Variants in GAS2 observed in about 807,000 individuals in gnomAD.
The protein encoded by GAS2 is growth arrest specific 2, also known as growth arrest-specific protein 2.
Under a neutral mutation model 37.5 loss-of-function variants are expected in GAS2, and 20 were observed. That is an observed-to-expected ratio of 0.53 (90% CI 0.37 to 0.77). The LOEUF (loss-of-function observed/expected upper bound fraction) is 0.77, where lower values mean the gene tolerates loss of function less well. Among genes scored for constraint, GAS2 ranks in the 30% least tolerant of loss-of-function variants. GAS2 has a pLI of 0.00. For missense variants in GAS2, 336 were observed against 373.4 expected (o/e 0.90, Z 0.82); for synonymous variants, 144 against 132.2 (o/e 1.09, Z -0.61).
At chr11:22,687,084 C>T (rs568534299) in intron 3 of GAS2, among the ~76,000 whole-genome samples, 44 of 151,932 alleles carry the variant, frequency 2.9e-4, no homozygotes, top group African/African-American at 9.4e-4. Flanking sequence ...CAGCACTTTG[C>T]GGGGGTCAAG....
chr11:22,714,454 A>G (rs1006287310), intron 3 of GAS2, among the ~76,000 whole-genome samples: 18 of 152,308 alleles, frequency 1.2e-4, no homozygotes, highest in African/African-American at 2.6e-4. Context: ...CACTGACAGC[A>G]CTAGATAGAT....
At chr11:22,773,586 G>A (rs1855102356) in intron 7 of GAS2, among the ~76,000 whole-genome samples, 1 of 151,610 alleles carries the variant, frequency 6.6e-6, no homozygotes, top group Non-Finnish European at 1.5e-5. Context: ...GTAGAGACGG[G>A]GTTTCACCGT....
chr11:22,694,306 C>T (rs1471089780), intron 3 of GAS2, among the ~76,000 whole-genome samples: 2 of 152,196 alleles, frequency 1.3e-5, no homozygotes, highest in South Asian at 2.1e-4. Flanking sequence ...GTATTCTGTC[C>T]GCCATATCCA....
At chr11:22,691,499 G>T (rs1016028577) in intron 3 of GAS2, among the ~76,000 whole-genome samples, 1 of 152,134 alleles carries the variant, frequency 6.6e-6, no homozygotes, top group African/African-American at 2.4e-5. Context: ...TGCAATAAAA[G>T]GTTTTGTATG....
intron 3 of GAS2, among the ~76,000 whole-genome samples, chr11:22,725,446 T>A (rs76755209): frequency 6.6e-6 from 1 of 152,138 alleles, no homozygotes; most frequent in Non-Finnish European, 1.5e-5. Context: ...GTTATATTTT[T>A]GATAGAATAT....
At chr11:22,773,538 C>G (rs901182685) in intron 7 of GAS2, among the ~76,000 whole-genome samples, 41 of 151,602 alleles carry the variant, frequency 2.7e-4, no homozygotes, top group Admixed American at 6.6e-5. Context: ...GGACTGCAGG[C>G]GCCCGCCACC....
intron 4 of GAS2, among the ~76,000 whole-genome samples, 180 bp downstream of exon 4, chr11:22,726,613 A>G (rs1175577386): frequency 6.6e-6 from 1 of 152,142 alleles, no homozygotes; most frequent in Non-Finnish European, 1.5e-5. Context: ...AAATAGAAAA[A>G]TGAATATGCC....
At chr11:22,626,076 GAGATGATGCC>G in intron 1 of GAS2, 2 of 532,926 alleles carry the variant, frequency 3.8e-6, no homozygotes, top group South Asian at 4.1e-5. Context: ...AACCACGTGC[GAGATGATGCC>G]AGTCATGAAC....
chr11:22,654,336 A>ATTT (rs1848831453), intron 1 of GAS2, among the ~76,000 whole-genome samples: 1 of 151,472 alleles, frequency 6.6e-6, no homozygotes, highest in Admixed American at 6.6e-5. Context: ...TATTTAAATA[A>ATTT]TTTTTTCCTT....
chr11:22,660,110 A>AT (rs752183076), intron 1 of GAS2, among the ~76,000 whole-genome samples: 1 of 152,106 alleles, frequency 6.6e-6, no homozygotes, highest in Non-Finnish European at 1.5e-5. Context: ...TTTAAAAACC[A>AT]TTTTTGCTAT....
At chr11:22,648,921 C>G (rs1324487595) in intron 1 of GAS2, among the ~76,000 whole-genome samples, 2 of 151,786 alleles carry the variant, frequency 1.3e-5, no homozygotes, top group African/African-American at 4.8e-5. Flanking sequence ...CTTCTCCTGC[C>G]TAATTGCCCT....
chr11:22,745,728 A>T (rs751883823), intron 5 of GAS2, among the ~76,000 whole-genome samples: 2 of 152,168 alleles, frequency 1.3e-5, no homozygotes, highest in African/African-American at 2.4e-5. Flanking sequence ...AATCCATAAG[A>T]AACTTAAACA....
At chr11:22,772,515 C>T (rs1855033837) in intron 7 of GAS2, among the ~76,000 whole-genome samples, 1 of 151,958 alleles carries the variant, frequency 6.6e-6, no homozygotes, top group Non-Finnish European at 1.5e-5. Context: ...TTTCTAAAAA[C>T]CCTAGGAATA....
At position 22,811,987 on chromosome 11, in the gene GAS2, A is replaced by C. The variant is rs774983841; in HGVS notation, c.913A>C (p.Ser305Arg). The C allele has an allele frequency of 6.2e-7, 1 of 1,614,082 alleles. No individual in the cohort carries two copies. The highest frequency in any genetic ancestry group is 8.5e-7 in the Non-Finnish European group (1 of 1,179,950). ...AGATAACTACTTGGTGGTCTCTGCC[A>C]GTTATAAGGCTAAGAAGGAAATTAA... ...NPDNYLVVSA[S>R]YKAKKEIK The change falls in exon 8 of 8, where the codon AGT (serine) becomes CGT (arginine). Residue 305 changes from serine to arginine, a missense_variant. Transcript: ENST00000454584.
rs1002874400 is a variant in GAS2 at position 22,744,632 on chromosome 11, A to T, written c.474-4488A>T. On this transcript the variant is annotated intron_variant, in intron 5 of 7. Transcript: ENST00000454584. ...ATAAAAAAAACCCTCAACTAACTAG[A>T]CATTAAAGGAACCTACCTCAAAAGA... 6.6e-5 allele frequency among the ~76,000 whole-genome samples: 10 copies of T among 152,246 alleles called. No individual in the cohort carries two copies. The East Asian group carries it at 1.9e-3, about 29-fold the overall frequency.
At chr11:22,662,881 C>CA (rs535768570), upstream of GAS2, among the ~76,000 whole-genome samples, 642 of 147,638 alleles carry the variant, frequency 4.3e-3, 14 homozygotes, top group East Asian at 0.075. Context: ...CGTGTCTCTG[C>CA]AAAAAAAAAA....
chr11:22,679,942 T>A (rs1467133468), intron 2 of GAS2, among the ~76,000 whole-genome samples: 1 of 152,184 alleles, frequency 6.6e-6, no homozygotes, highest in Non-Finnish European at 1.5e-5. Context: ...TGTACATGCA[T>A]ATAAAAGAAA....
chr11:22,661,445 G>C (rs540995115), intron 1 of GAS2, among the ~76,000 whole-genome samples: 1 of 152,188 alleles, frequency 6.6e-6, no homozygotes, highest in South Asian at 2.1e-4. Flanking sequence ...CTCACAATTT[G>C]GTAAGTGAGA....
chr11:22,699,673 C>G (rs938322835), intron 3 of GAS2, among the ~76,000 whole-genome samples: 2 of 152,118 alleles, frequency 1.3e-5, no homozygotes, highest in African/African-American at 4.8e-5. Context: ...CATAACTCCT[C>G]CTCTGTGCGT....
Sources: gnomAD v4.1 joint callset for allele counts (sites outside exome capture counted in the v4.1 genomes callset) on GRCh38, gnomAD v4.1.1 for gene constraint, MANE v1.5 for transcripts, NCBI Gene and HGNC (gene_info 2026-07-23, HGNC 2026-07-21) for gene names.